Variants in GRID2 observed in about 807,000 individuals in gnomAD.
GRID2 encodes the protein glutamate ionotropic receptor delta type subunit 2, also known as glutamate receptor ionotropic, delta-2.
A neutral mutation model predicts 114.8 loss-of-function variants in GRID2; 33 were observed. That is an observed-to-expected ratio of 0.29 (90% CI 0.22 to 0.38). The LOEUF is 0.38. Ranked by LOEUF, GRID2 falls within the 10% of genes least tolerant of loss-of-function variation. The probability of loss-of-function intolerance (pLI) is 1.00; values close to 1 mark genes in which losing one functional copy is unlikely to be tolerated. For synonymous variants in GRID2, 505 were observed against 449.9 expected (o/e 1.12, Z -1.55); for missense variants, 1,184 against 1,257.7 (o/e 0.94, Z 0.89).
At chr4:92,648,404 A>G (rs1424422328) in intron 2 of GRID2, among the ~76,000 whole-genome samples, 1 of 149,430 alleles carries the variant, frequency 6.7e-6, no homozygotes, top group Non-Finnish European at 1.5e-5. Flanking sequence ...ATTTCTTGGA[A>G]TATTTTGTCA....
intron 2 of GRID2, among the ~76,000 whole-genome samples, chr4:92,663,269 A>G (rs183140213): frequency 6.6e-6 from 1 of 151,168 alleles, no homozygotes; most frequent in East Asian, 1.9e-4. Context: ...CATCTTTGCT[A>G]ATAAGGATTA....
At chr4:92,982,736 C>T (rs1384435465) in intron 2 of GRID2, among the ~76,000 whole-genome samples, 1 of 151,888 alleles carries the variant, frequency 6.6e-6, no homozygotes, top group Non-Finnish European at 1.5e-5. Flanking sequence ...AGTTCTTTGG[C>T]TAAGGTGTTG....
At chr4:92,638,780 T>C (rs904810508) in intron 2 of GRID2, among the ~76,000 whole-genome samples, 1 of 150,746 alleles carries the variant, frequency 6.6e-6, no homozygotes, top group Admixed American at 6.6e-5. Flanking sequence ...TTATTTTTAA[T>C]ATTAAAAATT....
chr4:93,113,825 G>A (rs1393386025), intron 4 of GRID2, among the ~76,000 whole-genome samples: 1 of 152,080 alleles, frequency 6.6e-6, no homozygotes, highest in Non-Finnish European at 1.5e-5. Context: ...AGGACATGTG[G>A]ATTGGATCAG....
chr4:93,265,793 C>A (rs1579478695), intron 8 of GRID2, among the ~76,000 whole-genome samples: 1 of 152,264 alleles, frequency 6.6e-6, no homozygotes, highest in East Asian at 1.9e-4. Context: ...AAGGAGCACC[C>A]CTTCCCACCA....
chr4:92,969,118 T>C (rs1158191584), intron 2 of GRID2, among the ~76,000 whole-genome samples: 1 of 151,686 alleles, frequency 6.6e-6, no homozygotes, highest in Non-Finnish European at 1.5e-5. Context: ...ATACTATGTG[T>C]AGTTTTGACA....
rs192887657 is a variant in GRID2, at chr4:92,939,602, G to C, written c.245-145393G>C. Among the ~76,000 whole-genome samples the C allele has an allele frequency of 1.3e-3, 186 of 147,270 alleles. 10 individuals are homozygous for C. Among genetic ancestry groups the C allele is most frequent in the Admixed American group, 4.3e-3 (58 of 13,620 alleles). On this transcript the variant is annotated intron_variant, in intron 2 of 15. Transcript: ENST00000282020. ...CCATTTGTCAATTTTGGCTTTTGTT[G>C]CCATTGCTTTTGGTGTTTTAGACAT... is the stretch of plus-strand genomic sequence containing the variant.
At chr4:93,344,100 A>G (rs1224595963) in intron 8 of GRID2, among the ~76,000 whole-genome samples, 1 of 152,058 alleles carries the variant, frequency 6.6e-6, no homozygotes, top group Non-Finnish European at 1.5e-5. Flanking sequence ...TCCTTGATGC[A>G]TGGAGAAGCC....
intron 14 of GRID2, among the ~76,000 whole-genome samples, chr4:93,717,059 T>C (rs747077100): frequency 4.6e-5 from 7 of 152,178 alleles, no homozygotes; most frequent in Non-Finnish European, 1.0e-4. Context: ...GATTTCCTGC[T>C]AACTATTCAA....
At chr4:92,536,591 A>G (rs1036384327) in intron 1 of GRID2, among the ~76,000 whole-genome samples, 1 of 152,182 alleles carries the variant, frequency 6.6e-6, no homozygotes, top group Non-Finnish European at 1.5e-5. Flanking sequence ...TGTTATTTTA[A>G]TTTTTTGCTT....
chr4:93,708,008 C>A (rs1234355349), intron 14 of GRID2, among the ~76,000 whole-genome samples: 1 of 151,768 alleles, frequency 6.6e-6, no homozygotes, highest in East Asian at 1.9e-4. Flanking sequence ...TTCAAAATTT[C>A]TTTTGTTATT....
chr4:93,434,880 T>C (rs1361945140), intron 10 of GRID2, among the ~76,000 whole-genome samples: 1 of 152,168 alleles, frequency 6.6e-6, no homozygotes. Flanking sequence ...GTACCCCTTG[T>C]ACTTCCTTAT....
intron 8 of GRID2, among the ~76,000 whole-genome samples, chr4:93,370,995 A>C (rs991602758): frequency 3.3e-5 from 5 of 152,190 alleles, no homozygotes; most frequent in African/African-American, 4.8e-5. Flanking sequence ...AATTAAGCAA[A>C]ATACTTCTAG....
intron 2 of GRID2, among the ~76,000 whole-genome samples, chr4:92,980,229 G>A (rs1754108541): frequency 6.6e-6 from 1 of 152,006 alleles, no homozygotes; most frequent in Non-Finnish European, 1.5e-5. Flanking sequence ...AGGGTTGGGA[G>A]AGTAGAGTTC....
chr4:93,648,460 G>T (rs2149717925), intron 14 of GRID2, among the ~76,000 whole-genome samples: 1 of 152,280 alleles, frequency 6.6e-6, no homozygotes, highest in Non-Finnish European at 1.5e-5. Flanking sequence ...AGCAAACTAT[G>T]AAATCTGTAC....
chr4:92,841,103 A>G (rs1413360415), intron 2 of GRID2, among the ~76,000 whole-genome samples: 1 of 152,038 alleles, frequency 6.6e-6, no homozygotes, highest in African/African-American at 2.4e-5. Context: ...TGATCTTCCT[A>G]GTAACTCCTC....
intron 1 of GRID2, among the ~76,000 whole-genome samples, chr4:92,502,027 G>A (rs1027649301): frequency 2.0e-5 from 3 of 151,992 alleles, no homozygotes; most frequent in Admixed American, 2.0e-4. Flanking sequence ...AAGCAGAGTA[G>A]CTTAACTAAT....
intron 9 of GRID2, among the ~76,000 whole-genome samples, chr4:93,410,972 A>G (rs1767072794): frequency 6.6e-6 from 1 of 152,206 alleles, no homozygotes; most frequent in African/African-American, 2.4e-5. Context: ...GACTTCATTT[A>G]CTTTCTAGAA....
intron 14 of GRID2, among the ~76,000 whole-genome samples, chr4:93,752,154 A>C (rs115451734): frequency 4.4e-4 from 67 of 152,258 alleles, no homozygotes; most frequent in African/African-American, 1.5e-3. Context: ...GATTATAACA[A>C]TAGCTGCCTG....
Sources: allele counts gnomAD v4.1 joint callset (sites outside exome capture counted in the v4.1 genomes callset), GRCh38; gene constraint gnomAD v4.1.1; transcripts MANE v1.5; gene names NCBI Gene and HGNC (gene_info 2026-07-23, HGNC 2026-07-21).